Variants in ADGRL3 observed in about 807,000 individuals in gnomAD.
ADGRL3 encodes the protein adhesion G protein-coupled receptor L3.
A neutral mutation model predicts 153.5 loss-of-function variants in ADGRL3; 62 were observed. That is an observed-to-expected ratio of 0.40 (90% confidence interval 0.33 to 0.50). ADGRL3 has a LOEUF of 0.50. Ranked by LOEUF, ADGRL3 falls within the 20% of genes least tolerant of loss-of-function variation. The pLI is 0.47. For synonymous variants in ADGRL3, 710 were observed against 672.5 expected, an observed-to-expected ratio of 1.06 and a Z score of -0.86; for missense variants, 1,641 against 1,859.4, an observed-to-expected ratio of 0.88 and a Z score of 2.16.
chr4:61,984,804 A>G (rs4860106), intron 19 of ADGRL3, among the ~76,000 whole-genome samples: 65,377 of 151,912 alleles, frequency 0.43, 14,574 homozygotes, highest in East Asian at 0.79. Context: ...GCAAAGTACT[A>G]GAAGCAGAAA....
chr4:61,777,665 C>T (rs1055903090), intron 8 of ADGRL3, among the ~76,000 whole-genome samples: 3 of 152,084 alleles, frequency 2.0e-5, no homozygotes, highest in African/African-American at 4.8e-5. Flanking sequence ...GGCACCTCCT[C>T]GTCATTAGGA....
chr4:61,685,387 T>A (rs1420587486), intron 6 of ADGRL3, among the ~76,000 whole-genome samples: 1 of 151,954 alleles, frequency 6.6e-6, no homozygotes, highest in Non-Finnish European at 1.5e-5. Flanking sequence ...CCAATACATG[T>A]AAATATCAAA....
intron 1 of ADGRL3, among the ~76,000 whole-genome samples, chr4:61,377,503 A>G (rs1015971946): frequency 2.6e-4 from 40 of 151,990 alleles, no homozygotes; most frequent in African/African-American, 9.4e-4. Context: ...AAAATCAATT[A>G]TATGTTTTTC....
chr4:61,759,968 G>A (rs915245398), intron 8 of ADGRL3, among the ~76,000 whole-genome samples: 6 of 152,162 alleles, frequency 3.9e-5, no homozygotes, highest in Non-Finnish European at 5.9e-5. Context: ...TATCAGCAGC[G>A]GAGGCTGCAG....
At chr4:61,958,783 G>T (rs2098977301) in intron 17 of ADGRL3, among the ~76,000 whole-genome samples, 1 of 152,130 alleles carries the variant, frequency 6.6e-6, no homozygotes, top group Non-Finnish European at 1.5e-5. Context: ...AATTCAAGAT[G>T]AGATTTGGGT....
At chr4:61,496,016 C>A (rs758466551) in intron 2 of ADGRL3, among the ~76,000 whole-genome samples, 4 of 152,058 alleles carry the variant, frequency 2.6e-5, no homozygotes, top group Non-Finnish European at 4.4e-5. Context: ...CTTTAATCAT[C>A]GTACATTGTT....
At chr4:61,635,105 A>C (rs1257738240) in intron 5 of ADGRL3, among the ~76,000 whole-genome samples, 1 of 152,176 alleles carries the variant, frequency 6.6e-6, no homozygotes, top group Non-Finnish European at 1.5e-5. Context: ...TGGGCCTTAC[A>C]CTGAGCAAGT....
intron 22 of ADGRL3, among the ~76,000 whole-genome samples, chr4:62,029,209 C>T (rs758839663): frequency 4.6e-5 from 7 of 151,726 alleles, no homozygotes; most frequent in African/African-American, 7.2e-5. Flanking sequence ...GTGCCACATA[C>T]GTCCGCTTTT....
At chr4:62,016,795 G>A (rs890440442) in intron 21 of ADGRL3, among the ~76,000 whole-genome samples, 7 of 151,934 alleles carry the variant, frequency 4.6e-5, no homozygotes, top group African/African-American at 1.7e-4. Flanking sequence ...GTATCTTTAT[G>A]AGGTTAAGTC....
At chr4:61,519,374 C>A (rs2098516514) in intron 4 of ADGRL3, among the ~76,000 whole-genome samples, 1 of 152,034 alleles carries the variant, frequency 6.6e-6, no homozygotes, top group Non-Finnish European at 1.5e-5. Flanking sequence ...CTGTTTTGGA[C>A]AGAGATGAAA....
At chr4:61,904,667 T>C (rs1298973940) in intron 11 of ADGRL3, among the ~76,000 whole-genome samples, 3 of 92,002 alleles carry the variant, frequency 3.3e-5, no homozygotes, top group Non-Finnish European at 4.4e-5. Context: ...TATGTTTGTA[T>C]AACTACACAG....
chr4:61,474,522 T>C (rs2098018501), intron 2 of ADGRL3, among the ~76,000 whole-genome samples: 1 of 152,080 alleles, frequency 6.6e-6, no homozygotes, highest in South Asian at 2.1e-4. Context: ...GCTAAATTTA[T>C]AAAACTGAAA....
intron 9 of ADGRL3, among the ~76,000 whole-genome samples, chr4:61,851,716 G>T (rs151282377): frequency 4.6e-5 from 7 of 151,844 alleles, no homozygotes; most frequent in Admixed American, 1.3e-4. Context: ...CTCTAAAATG[G>T]TGTTTCCTAA....
chr4:61,604,736 T>C (rs957938586), intron 5 of ADGRL3, among the ~76,000 whole-genome samples: 6 of 152,168 alleles, frequency 3.9e-5, no homozygotes, highest in African/African-American at 1.2e-4. Context: ...GATTCATTTG[T>C]AACAGAGAAA....
At chr4:61,866,151 C>T (rs1414250369) in intron 9 of ADGRL3, among the ~76,000 whole-genome samples, 1 of 152,166 alleles carries the variant, frequency 6.6e-6, no homozygotes, top group Non-Finnish European at 1.5e-5. Flanking sequence ...ATGCAGCCTT[C>T]CTTTCACTTT....
At chr4:62,070,066 C>T in intron 26 of ADGRL3, 43 bp from the exon 27 acceptor site, 3 of 1,512,498 alleles carry the variant, frequency 2.0e-6, no homozygotes, top group Non-Finnish European at 2.7e-6. Flanking sequence ...TGTTCTATGG[C>T]TTGTTGGATA....
rs147817040 is a variant in ADGRL3, at chr4:61,636,917, C to T, written c.474-39909C>T. Among the ~76,000 whole-genome samples the T allele has an allele frequency of 6.7e-4, 102 of 151,664 alleles. No homozygotes were observed. In the East Asian group the frequency reaches 0.017, roughly 25 times the overall value. ...GTTTATGGCATATATAAAAGTAAAA[C>T]GTAACAGTAAGAACACAAGGGATCG... On this transcript the variant is annotated intron_variant, in intron 5 of 26. Transcript: ENST00000683033.
chr4:61,402,454 A>T (rs935150255), intron 2 of ADGRL3, among the ~76,000 whole-genome samples: 1 of 152,116 alleles, frequency 6.6e-6, no homozygotes, highest in Non-Finnish European at 1.5e-5. Flanking sequence ...GTTTTAACAC[A>T]TACGAATTTT....
intron 1 of ADGRL3, among the ~76,000 whole-genome samples, chr4:61,285,082 C>A (rs1471085701): frequency 1.3e-5 from 2 of 151,660 alleles, no homozygotes. Context: ...GAGAGAGAAA[C>A]TACTTAATCT....
Sources: gnomAD v4.1 joint callset for allele counts (sites outside exome capture counted in the v4.1 genomes callset) on GRCh38, gnomAD v4.1.1 for gene constraint, MANE v1.5 for transcripts, NCBI Gene and HGNC (gene_info 2026-07-23, HGNC 2026-07-21) for gene names.